The following ARL10 variants were observed in gnomAD, a reference collection of about 807,000 sequenced individuals.
ARL10 encodes the protein ARF like GTPase 10.
ARL10 carries 23 observed loss-of-function variants against 26.1 expected under a neutral mutation model. That is an observed-to-expected ratio of 0.88 (90% CI 0.63 to 1.25). ARL10 has a LOEUF of 1.25. Ranked by LOEUF, ARL10 falls within the 50% of genes most tolerant of loss-of-function variation. ARL10 has a pLI of 0.00. For synonymous variants in ARL10, 138 were observed against 149.1 expected, an observed-to-expected ratio of 0.93 and a Z score of 0.54; for missense variants, 300 against 323.6, an observed-to-expected ratio of 0.93 and a Z score of 0.56.
chr5:176,412,124 C>T, the ARL10 span, among the ~76,000 whole-genome samples: 5 of 147,500 alleles, frequency 3.4e-5, no homozygotes, highest in East Asian at 2.0e-4. Context: ...TGCAGTGAGC[C>T]GAGATCCCGC....
the ARL10 span, among the ~76,000 whole-genome samples, chr5:176,411,071 G>A: frequency 6.6e-6 from 1 of 152,234 alleles, no homozygotes; most frequent in African/African-American, 2.4e-5. Context: ...AAACACCTGG[G>A]AAGACATAAC....
intron 1 of ARL10, among the ~76,000 whole-genome samples, chr5:176,400,930 G>C (rs1756786082): frequency 6.6e-6 from 1 of 152,176 alleles, no homozygotes; most frequent in Non-Finnish European, 1.5e-5. Flanking sequence ...TGGAACATCA[G>C]GGCTACAGTC....
downstream of ARL10, chr5:176,384,550 G>A: frequency 3.1e-6 from 2 of 636,722 alleles, no homozygotes; most frequent in Non-Finnish European, 5.3e-6. Context: ...ACTCTGGGAG[G>A]CCGAGGTGGG....
chr5:176,387,078 C>CT (rs370678945), intron 1 of ARL10: 8,666 of 226,976 alleles, frequency 0.038, 18 homozygotes, highest in Middle Eastern at 0.057. Context: ...CTCTCTCTCT[C>CT]TTTTTTTTTT....
At chr5:176,384,195 G>T (rs754304687), downstream of ARL10, 4 of 1,614,112 alleles carry the variant, frequency 2.5e-6, no homozygotes, top group South Asian at 1.1e-5. Flanking sequence ...TGGTCCGGGG[G>T]ACGCCTCAGC....
At chr5:176,366,309 C>A in intron 1 of ARL10, 71 bp from the exon 2 acceptor site, 1 of 1,513,756 alleles carries the variant, frequency 6.6e-7, no homozygotes, top group Non-Finnish European at 8.8e-7. Context: ...CCCTCTGGTG[C>A]CTTCGGTCTT....
chr5:176,367,088 A>G (rs940157380), intron 2 of ARL10, among the ~76,000 whole-genome samples: 3 of 142,926 alleles, frequency 2.1e-5, no homozygotes, highest in African/African-American at 5.3e-5. Context: ...GCTCACTGCA[A>G]CCTCCTCCTC....
chr5:176,412,817 A>AT, the ARL10 span, among the ~76,000 whole-genome samples: 3 of 152,160 alleles, frequency 2.0e-5, no homozygotes, highest in East Asian at 3.9e-4. Flanking sequence ...AGTGGGACCA[A>AT]TAGCATTTCA....
rs1755507188 is a variant in ARL10 at position 176,379,805 on chromosome 5, C to T, written c.*7910C>T. ...AATTCTTCCAGTTCCTTTTTGCCTC[C>T]TCTTGGGGTTTTGGAGTGGTCTTTA... On this transcript the variant is annotated 3_prime_UTR_variant, in exon 4 of 4. Coordinates refer to ENST00000310389, the MANE Select transcript of ARL10 (RefSeq NM_173664.6). 1 of 152,066 alleles carries T rather than the reference C, an allele frequency of 6.6e-6. No individual in the cohort carries two copies. The highest frequency in any genetic ancestry group is 1.5e-5 in the Non-Finnish European group (1 of 68,010). 9.4% of individuals were successfully genotyped at this position (152,066 alleles called of 1,614,324 possible).
In ARL10 at chr5:176,368,951, ACCTGCCTGT is replaced by A. The variant is rs1646496441; in HGVS notation, c.532_540del (p.Leu178_Val180del). 1.9e-6 allele frequency: 3 copies of A among 1,613,546 alleles called. No individual in the cohort carries two copies. Among genetic ancestry groups the A allele is most frequent in the Non-Finnish European group, 2.5e-6 (3 of 1,179,984 alleles). Reference sequence around the variant, plus strand: ...CACAAGCTGCTGGACAAGGACCCTGACCTGCCTGTCGTCGTGGTGGCCAACAAGCAGGTG... The same window carrying A: ...CACAAGCTGCTGGACAAGGACCCTGACGTCGTGGTGGCCAACAAGCAGGTG... On this transcript the variant is annotated inframe_deletion, in exon 3 of 4. Coordinates refer to ENST00000310389, the MANE Select transcript of ARL10 (RefSeq NM_173664.6). The surrounding 1 kb of genome is among the most constrained non-coding windows in gnomAD (Gnocchi z 4.1).
rs1169278664 is a variant in ARL10 at position 176,372,204 on chromosome 5, C to T, written c.*309C>T. The stretch of plus-strand genomic sequence containing the variant: ...CCTGTACAGTGAGATGCTCAGTGGG[C>T]TCAATCCTCCACTACAGGTCCCGGT... On this transcript the variant is annotated 3_prime_UTR_variant, in exon 4 of 4. Coordinates refer to ENST00000310389, the MANE Select transcript of ARL10 (RefSeq NM_173664.6). 1 of 664,930 alleles carries T rather than the reference C, an allele frequency of 1.5e-6. No individual in the cohort carries two copies. The highest frequency in any genetic ancestry group is 2.1e-6 in the Non-Finnish European group (1 of 480,870). 41.2% of individuals were successfully genotyped at this position (664,930 alleles called of 1,614,324 possible). A position where few individuals can be genotyped will look rare whatever the true frequency, so the allele number is the denominator to read the frequency against.
At chr5:176,388,230 A>C (rs1407181379) in intron 1 of ARL10, 2 of 1,601,306 alleles carry the variant, frequency 1.2e-6, no homozygotes, top group African/African-American at 1.3e-5. Flanking sequence ...CTGCCATGTC[A>C]GTACCTTTCT....
At chr5:176,382,820 A>G (rs1755584731), downstream of ARL10, among the ~76,000 whole-genome samples, 1 of 152,146 alleles carries the variant, frequency 6.6e-6, no homozygotes, top group Non-Finnish European at 1.5e-5. Context: ...AGGCTTCCTA[A>G]AGTTCATTCC....
At chr5:176,398,547 C>A (rs1756663421) in intron 1 of ARL10, among the ~76,000 whole-genome samples, 2 of 151,834 alleles carry the variant, frequency 1.3e-5, no homozygotes, top group Non-Finnish European at 2.9e-5. Context: ...CCCGACTCTA[C>A]TAAAAATACA....
chr5:176,385,398 C>A, downstream of ARL10: 1 of 890,118 alleles, frequency 1.1e-6, no homozygotes, highest in Non-Finnish European at 1.9e-6. Context: ...GCTGTCCAAT[C>A]ACCCCTTCAC....
chr5:176,406,224 C>A, downstream of ARL10: 2 of 1,004,634 alleles, frequency 2.0e-6, no homozygotes, highest in Non-Finnish European at 2.4e-6. Context: ...TCACCAGCGG[C>A]TAGAGCAATG....
chr5:176,389,095 G>C, downstream of ARL10: 1 of 1,344,994 alleles, frequency 7.4e-7, no homozygotes, highest in South Asian at 1.3e-5. Flanking sequence ...GAGACGAGGG[G>C]GCGGGGCGGT....
chr5:176,410,141 G>T, the ARL10 span: 1 of 877,668 alleles, frequency 1.1e-6, no homozygotes, highest in Non-Finnish European at 1.8e-6. Flanking sequence ...CCACCCCAAT[G>T]CATCAGACAT....
In ARL10 at chr5:176,372,289, A is replaced by G. The variant is rs1768569944; in HGVS notation, c.*394A>G. The G allele has an allele frequency of 4.7e-6, 1 of 212,500 alleles. No individual in the cohort carries two copies. The highest frequency in any genetic ancestry group is 2.3e-5 in the African/African-American group (1 of 43,386). 13.2% of individuals were successfully genotyped at this position (212,500 alleles called of 1,614,324 possible). A position where few individuals can be genotyped will look rare whatever the true frequency, so the allele number is the denominator to read the frequency against. On this transcript the variant is annotated 3_prime_UTR_variant, in exon 4 of 4. Coordinates refer to ENST00000310389, the MANE Select transcript of ARL10 (RefSeq NM_173664.6). ...CTAGAGCCTCAAGGTCTCCCAGTCC[A>G]GAAACAGTCTGGTGACGTCATGCCC...
Sources: gnomAD v4.1 joint callset for allele counts (sites outside exome capture counted in the v4.1 genomes callset) on GRCh38, gnomAD v4.1.1 for gene constraint, Gnocchi (gnomAD v3.1) non-coding constraint, MANE v1.5 for transcripts, NCBI Gene and HGNC (gene_info 2026-07-23, HGNC 2026-07-21) for gene names.